FYB2: variants seen among roughly 807,000 people sequenced by gnomAD.
FYB2 encodes FYN binding protein 2.
In FYB2, 103 loss-of-function variants were observed where a neutral mutation model predicts 94.1. The observed-to-expected ratio is 1.09, with a 90% CI of 0.93 to 1.29. The LOEUF (loss-of-function observed/expected upper bound fraction) is 1.29, where lower values mean the gene tolerates loss of function less well. Among genes scored for constraint, FYB2 ranks in the 50% most tolerant of loss-of-function variants. The probability of loss-of-function intolerance (pLI) is 0.00; values close to 1 mark genes in which losing one functional copy is unlikely to be tolerated. For synonymous variants in FYB2, 293 were observed against 287.9 expected, an observed-to-expected ratio of 1.02 and a Z score of -0.18; for missense variants, 896 against 841.5, an observed-to-expected ratio of 1.06 and a Z score of -0.80.
chr1:56,773,441 GCATAGAT>G (rs1245677571), intron 4 of FYB2, among the ~76,000 whole-genome samples: 1 of 152,156 alleles, frequency 6.6e-6, no homozygotes, highest in Non-Finnish European at 1.5e-5. Flanking sequence ...TAGACACCGT[GCATAGAT>G]TCATTATATG....
At chr1:56,803,956 C>T (rs2101040774) in intron 1 of FYB2, among the ~76,000 whole-genome samples, 1 of 152,252 alleles carries the variant, frequency 6.6e-6, no homozygotes, top group South Asian at 2.1e-4. Flanking sequence ...GTTCTTAATC[C>T]TGGCTGTGCA....
At chr1:56,744,737 C>A (rs1449203878) in intron 9 of FYB2, among the ~76,000 whole-genome samples, 1 of 151,970 alleles carries the variant, frequency 6.6e-6, no homozygotes, top group African/African-American at 2.4e-5. Flanking sequence ...TTCATTAATT[C>A]ATTCTGGAGT....
chr1:56,789,730 A>G (rs531631627), intron 2 of FYB2, among the ~76,000 whole-genome samples: 1 of 152,250 alleles, frequency 6.6e-6, no homozygotes, highest in South Asian at 2.1e-4. Context: ...GCACTGGTCT[A>G]TGTTCCCATT....
chr1:56,765,883 G>A (rs566178076), intron 5 of FYB2, among the ~76,000 whole-genome samples: 12 of 152,208 alleles, frequency 7.9e-5, no homozygotes, highest in African/African-American at 2.9e-4. Flanking sequence ...GGAGCAATAG[G>A]ACAAAAGTAC....
At chr1:56,825,668 C>T in the FYB2 span, among the ~76,000 whole-genome samples, 2 of 152,114 alleles carry the variant, frequency 1.3e-5, no homozygotes, top group African/African-American at 4.8e-5. Context: ...AACAAGCGCC[C>T]CCACTTTGTC....
chr1:56,747,828 GTC>G (rs1645104604), intron 9 of FYB2, among the ~76,000 whole-genome samples: 1 of 152,126 alleles, frequency 6.6e-6, no homozygotes, highest in Non-Finnish European at 1.5e-5. Context: ...TCACCACGCT[GTC>G]TTCCACAATC....
At chr1:56,750,956 T>C in intron 9 of FYB2, 88 bp downstream of exon 9, 2 of 1,446,168 alleles carry the variant, frequency 1.4e-6, no homozygotes, top group Non-Finnish European at 1.9e-6. Flanking sequence ...GTTCAATAAA[T>C]ATTGGTAAAA....
At chr1:56,758,648 C>T (rs1645416102) in intron 6 of FYB2, 68 bp downstream of exon 6, 1 of 1,229,094 alleles carries the variant, frequency 8.1e-7, no homozygotes, top group Non-Finnish European at 1.1e-6. Flanking sequence ...CTAAAAGATA[C>T]TACTTTAGAA....
rs1249671002 is a variant in FYB2, at chr1:56,758,704, G to A, written c.1098+12C>T. On this transcript the variant is annotated intron_variant, in intron 6 of 19. Transcript: ENST00000343433. ...TACTTTTAGTTACAATGTTGGTAAG[G>A]AGAAACAATACCTTTTGGAGTTCTT... is the stretch of plus-strand genomic sequence containing the variant. 1 of 1,580,234 alleles carries A rather than the reference G, an allele frequency of 6.3e-7. No individual in the cohort carries two copies. Among genetic ancestry groups the A allele is most frequent in the South Asian group, 1.2e-5 (1 of 85,864 alleles).
intron 15 of FYB2, 58 bp downstream of exon 15, chr1:56,737,029 A>C (rs1274047863): frequency 1.3e-5 from 17 of 1,263,918 alleles, no homozygotes; most frequent in Non-Finnish European, 2.0e-5. Context: ...ATAATTAAGA[A>C]AGCATCAGGA....
At chr1:56,789,264 G>A in intron 2 of FYB2, 130 bp from the exon 3 acceptor site, 2 of 1,028,292 alleles carry the variant, frequency 1.9e-6, no homozygotes, top group Non-Finnish European at 2.8e-6. Flanking sequence ...AGAGTGCCCT[G>A]ATCAATACAT....
intron 6 of FYB2, among the ~76,000 whole-genome samples, chr1:56,756,359 G>C (rs7548888): frequency 1.3e-5 from 2 of 151,934 alleles, no homozygotes; most frequent in African/African-American, 4.8e-5. Context: ...TGTGATCACC[G>C]CTCAAATCTT....
chr1:56,816,603 C>T (rs927832955), intron 1 of FYB2, among the ~76,000 whole-genome samples: 2 of 152,052 alleles, frequency 1.3e-5, no homozygotes, highest in African/African-American at 4.8e-5. Context: ...TTTTAAAATC[C>T]CCCATATAAC....
chr1:56,782,658 CTT>C (rs1210282254), intron 4 of FYB2, among the ~76,000 whole-genome samples: 1 of 152,044 alleles, frequency 6.6e-6, no homozygotes, highest in African/African-American at 2.4e-5. Flanking sequence ...AGCTGATAGA[CTT>C]ATTTTAAAAG....
At chr1:56,768,929 G>T (rs1645689669) in intron 4 of FYB2, among the ~76,000 whole-genome samples, 1 of 152,148 alleles carries the variant, frequency 6.6e-6, no homozygotes, top group Non-Finnish European at 1.5e-5. Flanking sequence ...GGAGAAAGGA[G>T]TTATAGAGAT....
At chr1:56,740,855 G>A (rs772140033) in intron 12 of FYB2, 60 bp from the exon 13 acceptor site, 251 of 1,143,164 alleles carry the variant, frequency 2.2e-4, no homozygotes, top group Non-Finnish European at 2.9e-4. Context: ...GAGATAGAAG[G>A]CTGTTGTATT....
At position 56,786,682 on chromosome 1, in the gene FYB2, T is replaced by C. The variant is rs184326825; in HGVS notation, c.953+493A>G. ...GTGCAGCCCTCTTGAGAGAACAGAA[T>C]GAGAAATCTGTATAAAGTAGCCAGT... is the stretch of plus-strand genomic sequence containing the variant. On this transcript the variant is annotated intron_variant, in intron 4 of 19. Transcript: ENST00000343433. 3.6e-4 allele frequency among the ~76,000 whole-genome samples: 55 copies of C among 152,268 alleles called. No individual in the cohort carries two copies. The East Asian group carries it at 0.01, about 28-fold the overall frequency.
At chr1:56,785,186 A>G (rs1411994250) in intron 4 of FYB2, among the ~76,000 whole-genome samples, 1 of 152,204 alleles carries the variant, frequency 6.6e-6, no homozygotes, top group East Asian at 1.9e-4. Context: ...ATGTTGAAAC[A>G]GATTGCCGTT....
At chr1:56,807,288 TGA>T (rs1646669531) in intron 1 of FYB2, among the ~76,000 whole-genome samples, 4 of 152,340 alleles carry the variant, frequency 2.6e-5, no homozygotes, top group African/African-American at 7.2e-5. Context: ...TCCACAGCTA[TGA>T]TGTAAACTCC....
Sources: allele counts gnomAD v4.1 joint callset (sites outside exome capture counted in the v4.1 genomes callset), GRCh38; gene constraint gnomAD v4.1.1; transcripts MANE v1.5; gene names NCBI Gene and HGNC (gene_info 2026-07-23, HGNC 2026-07-21).